The following LIFR variants were observed in gnomAD, a reference collection of about 807,000 sequenced individuals.
LIFR encodes LIF receptor subunit alpha.
A neutral mutation model predicts 122.2 loss-of-function variants in LIFR; 84 were observed. That is an observed-to-expected ratio of 0.69 (90% CI 0.58 to 0.82). LIFR has a LOEUF of 0.82. Ranked by LOEUF, LIFR falls within the 40% of genes least tolerant of loss-of-function variation. The probability of loss-of-function intolerance (pLI) is 0.00; values close to 1 mark genes in which losing one functional copy is unlikely to be tolerated. For missense variants in LIFR, 1,294 were observed against 1,311.6 expected (o/e 0.99, Z 0.21); for synonymous variants, 422 against 434.7 (o/e 0.97, Z 0.36).
chr5:38,568,493 G>C (rs1749102543), intron 1 of LIFR, among the ~76,000 whole-genome samples: 1 of 152,254 alleles, frequency 6.6e-6, no homozygotes, highest in Admixed American at 6.5e-5. Context: ...TTGTAGGCAG[G>C]ATAAAGGACT....
At chr5:38,485,321 AT>A (rs1347966536) in intron 17 of LIFR, among the ~76,000 whole-genome samples, 1 of 152,208 alleles carries the variant, frequency 6.6e-6, no homozygotes, top group Non-Finnish European at 1.5e-5. Flanking sequence ...GGCTCTTTAT[AT>A]AAGAGCTGTG....
Position 38,492,586 on chromosome 5 carries a change from C to T in LIFR, c.2065+1020G>A, listed in dbSNP as rs537536964. On this transcript the variant is annotated intron_variant, in intron 14 of 19. Coordinates refer to ENST00000453190, the MANE Select transcript of LIFR (RefSeq NM_001127671.2). ...ATCATTACCACTTCAGCCAATTATA[C>T]ATGTGGAGGAGTTTGGCTGTATTCC... Among the ~76,000 whole-genome samples the T allele has an allele frequency of 2.6e-5, 4 of 152,268 alleles. No homozygotes were observed. The South Asian group carries it at 8.3e-4, about 32-fold the overall frequency.
intron 1 of LIFR, among the ~76,000 whole-genome samples, chr5:38,572,152 A>G (rs910599636): frequency 2.0e-5 from 3 of 152,216 alleles, no homozygotes; most frequent in African/African-American, 7.2e-5. Flanking sequence ...TGGGTAATTT[A>G]TAAAGAAAAG....
intron 1 of LIFR, among the ~76,000 whole-genome samples, chr5:38,544,445 C>T (rs1438032864): frequency 2.0e-5 from 3 of 152,138 alleles, no homozygotes; most frequent in Non-Finnish European, 4.4e-5. Context: ...ACCAAGGGCC[C>T]TGGCACTTGT....
chr5:38,568,279 T>C (rs1749093753), intron 1 of LIFR, among the ~76,000 whole-genome samples: 1 of 152,140 alleles, frequency 6.6e-6, no homozygotes, highest in African/African-American at 2.4e-5. Flanking sequence ...CTATGCTAAA[T>C]GGAGTAGTTG....
intron 5 of LIFR, among the ~76,000 whole-genome samples, chr5:38,513,026 C>G (rs1353916724): frequency 6.6e-6 from 1 of 151,948 alleles, no homozygotes; most frequent in African/African-American, 2.4e-5. Context: ...AGCAAGATTT[C>G]AATAAAATAT....
Position 38,476,860 on chromosome 5 carries a change from G to T in LIFR, c.*4735C>A, listed in dbSNP as rs201856141. On this transcript the variant is annotated 3_prime_UTR_variant, in exon 20 of 20. Transcript: ENST00000453190. The stretch of plus-strand genomic sequence containing the variant: ...GCACAGTTAGAATTTGTCTTGCATA[G>T]GTAAATTCTGTTTATAACATGGACT... 8.0e-5 allele frequency: 17 copies of T among 212,596 alleles called. No individual in the cohort carries two copies. In the East Asian group the frequency reaches 1.1e-3, roughly 14 times the overall value. The allele number at this position is 212,596 out of a possible 1,614,324, so 13.2% of individuals were successfully genotyped here.
At chr5:38,492,146 G>A (rs889750832) in intron 14 of LIFR, among the ~76,000 whole-genome samples, 4 of 152,162 alleles carry the variant, frequency 2.6e-5, no homozygotes, top group Admixed American at 2.6e-4. Flanking sequence ...TTGAAGCTCT[G>A]AATAACTCTG....
intron 7 of LIFR, among the ~76,000 whole-genome samples, chr5:38,509,995 C>T (rs1745710342): frequency 6.6e-6 from 1 of 152,148 alleles, no homozygotes; most frequent in Non-Finnish European, 1.5e-5. Context: ...CCAGCCTGTT[C>T]TCCTCAAATA....
At position 38,496,374 on chromosome 5, in the gene LIFR, G is replaced by A. The variant is rs370910977; in HGVS notation, c.1885+8C>T. On this transcript the variant is annotated splice_region_variant and intron_variant, in intron 13 of 19. Transcript: ENST00000453190. The stretch of plus-strand genomic sequence containing the variant: ...GTTCTTATATACTAAATCATCTCAA[G>A]CACTCACCATTTGGAATTTCCATAC... 19 of 1,597,594 alleles carry A rather than the reference G, an allele frequency of 1.2e-5. No homozygotes were observed. Among genetic ancestry groups the A allele is most frequent in the Non-Finnish European group, 1.6e-5 (19 of 1,164,998 alleles).
intron 1 of LIFR, among the ~76,000 whole-genome samples, chr5:38,574,946 C>T (rs1427184402): frequency 2.0e-5 from 3 of 152,132 alleles, no homozygotes; most frequent in African/African-American, 7.2e-5. Flanking sequence ...TCCACACCTA[C>T]GTATATACTC....
intron 1 of LIFR, among the ~76,000 whole-genome samples, chr5:38,589,990 A>G (rs1749871815): frequency 6.6e-6 from 1 of 152,184 alleles, no homozygotes; most frequent in African/African-American, 2.4e-5. Flanking sequence ...CGGGACACGG[A>G]TCCCATTTTG....
At chr5:38,529,365 T>C (rs968778153) in intron 2 of LIFR, among the ~76,000 whole-genome samples, 1 of 152,110 alleles carries the variant, frequency 6.6e-6, no homozygotes, top group African/African-American at 2.4e-5. Flanking sequence ...CCCCACCTCA[T>C]TGCTTGCTAC....
chr5:38,564,055 C>T (rs139465961), intron 1 of LIFR, among the ~76,000 whole-genome samples: 61 of 152,254 alleles, frequency 4.0e-4, no homozygotes, highest in Non-Finnish European at 6.8e-4. Flanking sequence ...GGCTCCTGTC[C>T]TTTGTCTCTG....
upstream of LIFR, among the ~76,000 whole-genome samples, chr5:38,561,026 A>G (rs1177390256): frequency 2.0e-5 from 3 of 152,382 alleles, no homozygotes; most frequent in African/African-American, 2.4e-5. Flanking sequence ...GTATTTGAGC[A>G]TAAAACTGAG....
intron 1 of LIFR, among the ~76,000 whole-genome samples, chr5:38,555,321 A>G (rs982064563): frequency 6.6e-6 from 1 of 152,244 alleles, no homozygotes; most frequent in Non-Finnish European, 1.5e-5. Context: ...AAGGGCAAGT[A>G]GCATTCGCGC....
chr5:38,539,134 G>C (rs1419040629), intron 1 of LIFR, among the ~76,000 whole-genome samples: 1 of 152,086 alleles, frequency 6.6e-6, no homozygotes, highest in Non-Finnish European at 1.5e-5. Context: ...CTAATTTTTT[G>C]TATTTTTTAG....
chr5:38,582,617 G>A (rs1360078578), intron 1 of LIFR, among the ~76,000 whole-genome samples: 1 of 152,054 alleles, frequency 6.6e-6, no homozygotes, highest in Non-Finnish European at 1.5e-5. Flanking sequence ...AAAAGACAAG[G>A]CCAGCAAAAT....
In LIFR at chr5:38,493,723, C is replaced by A. The variant is rs143621762; in HGVS notation, c.1948G>T (p.Asp650Tyr). Residue 650 changes from aspartate (D) to tyrosine (Y), a missense_variant, in exon 14 of 20, where the codon GAC becomes TAC. By Grantham distance (160) the Asp-to-Tyr change is radical. Transcript: ENST00000453190. Reference protein sequence around the residue: ...GKGILLTWHYDPNMTCDYVIK... With the variant: ...GKGILLTWHYYPNMTCDYVIK... Reference sequence around the variant, plus strand: ...ACGTAGTCGCAAGTCATGTTGGGGTCGTAATGCCAGGTGAGGAGAATCCCC... The same window carrying A: ...ACGTAGTCGCAAGTCATGTTGGGGTAGTAATGCCAGGTGAGGAGAATCCCC... 1 of 1,614,056 alleles carries A rather than the reference C, an allele frequency of 6.2e-7. No homozygotes were observed. The highest frequency in any genetic ancestry group is 1.1e-5 in the South Asian group (1 of 91,068).
Sources: gnomAD v4.1 joint callset for allele counts (sites outside exome capture counted in the v4.1 genomes callset) on GRCh38, gnomAD v4.1.1 for gene constraint, MANE v1.5 for transcripts, NCBI Gene and HGNC (gene_info 2026-07-23, HGNC 2026-07-21) for gene names.